ATAD2: variants seen among roughly 807,000 people sequenced by gnomAD.
ATAD2 encodes the protein ATPase family AAA domain-containing protein 2.
Under a neutral mutation model 168.9 loss-of-function variants are expected in ATAD2, and 62 were observed. The ratio of observed to expected loss-of-function variants is 0.37; its 90% CI spans 0.30 to 0.45. ATAD2 has a LOEUF of 0.45. Among genes scored for constraint, ATAD2 ranks in the 20% least tolerant of loss-of-function variants. The pLI is 1.00. For synonymous variants in ATAD2, 613 were observed against 571.6 expected (o/e 1.07, Z -1.03); for missense variants, 1,419 against 1,667.8 (o/e 0.85, Z 2.60).
At chr8:123,381,219 C>G (rs768492832) in intron 1 of ATAD2, among the ~76,000 whole-genome samples, 1 of 152,170 alleles carries the variant, frequency 6.6e-6, no homozygotes, top group Non-Finnish European at 1.5e-5. Flanking sequence ...GTTTAGGGCC[C>G]GGGCATGGTG....
Position 123,320,459 on chromosome 8 carries a change from T to C in ATAD2, c.*675A>G, listed in dbSNP as rs1436567770. 1 of 152,194 alleles carries C rather than the reference T, an allele frequency of 6.6e-6. No individual in the cohort carries two copies. The highest frequency in any genetic ancestry group is 2.4e-5 in the African/African-American group (1 of 41,456). 9.4% of individuals were successfully genotyped at this position (152,194 alleles called of 1,614,324 possible). ...TAAAAGGTGTTTAACAAGGTAGTTA[T>C]TAATACATTTGTTGTGTATATAATT... On this transcript the variant is annotated 3_prime_UTR_variant, in exon 28 of 28. Transcript: ENST00000287394.
intron 1 of ATAD2, among the ~76,000 whole-genome samples, chr8:123,394,118 G>C (rs1445144733): frequency 6.6e-6 from 1 of 151,772 alleles, no homozygotes; most frequent in Non-Finnish European, 1.5e-5. Flanking sequence ...AAACGGAGTG[G>C]CCATTAACTA....
rs184815326 is a variant in ATAD2 at position 123,325,715 on chromosome 8, C to G, written c.4002+178G>C. 3.3e-5 allele frequency among the ~76,000 whole-genome samples: 5 copies of G among 152,322 alleles called. No homozygotes were observed. The East Asian group carries it at 9.6e-4, about 29-fold the overall frequency. On this transcript the variant is annotated intron_variant, in intron 26 of 27. Coordinates refer to ENST00000287394, the MANE Select transcript of ATAD2 (RefSeq NM_014109.4). ...GGATTACAGGCGTGAGCCACTGTGCCTGACCTAGTCTTAATTTGGAACAGG... is the reference window on the plus strand; with the variant it reads ...GGATTACAGGCGTGAGCCACTGTGCGTGACCTAGTCTTAATTTGGAACAGG...
At chr8:123,344,344 CTT>C (rs764379399) in intron 19 of ATAD2, among the ~76,000 whole-genome samples, 40 of 125,812 alleles carry the variant, frequency 3.2e-4, no homozygotes, top group African/African-American at 9.0e-4. Context: ...TTTTTAAATA[CTT>C]TTTTTTTTTT....
intron 23 of ATAD2, 40 bp downstream of exon 23, chr8:123,334,157 GATA>G (rs753505608): frequency 8.4e-6 from 13 of 1,547,256 alleles, no homozygotes; most frequent in Non-Finnish European, 1.1e-5. Flanking sequence ...GAAATTCATT[GATA>G]ATATTAGGTT....
chr8:123,371,661 T>G lies in ATAD2; in HGVS notation c.536+9A>C, dbSNP rs1230417900. ...ATAAATCATCTTGATCTAAGGAATT[T>G]TTACTTACTTAGTTATAAGTTTGTC... On this transcript the variant is annotated intron_variant, in intron 4 of 27. Coordinates refer to ENST00000287394, the MANE Select transcript of ATAD2 (RefSeq NM_014109.4). 1 of 1,589,360 alleles carries G rather than the reference T, an allele frequency of 6.3e-7. No individual in the cohort carries two copies. Among genetic ancestry groups the G allele is most frequent in the Non-Finnish European group, 8.5e-7 (1 of 1,172,150 alleles).
chr8:123,341,791 T>C (rs1229861170), intron 19 of ATAD2, among the ~76,000 whole-genome samples: 1 of 152,214 alleles, frequency 6.6e-6, no homozygotes, highest in Non-Finnish European at 1.5e-5. Context: ...GAGCCTGTCC[T>C]TTCAGTTGAC....
rs2131326042 is a variant in ATAD2 at position 123,346,763 on chromosome 8, A to G, written c.2213-13T>C. The G allele has an allele frequency of 2.5e-6, 4 of 1,571,682 alleles. No homozygotes were observed. In the East Asian group the frequency reaches 9.2e-5, roughly 36 times the overall value. ...GGACAAGAAATATCTATAAAACCAAAAAATTGTACATTAGTAACTTTTGGA... is the reference window on the plus strand; with the variant it reads ...GGACAAGAAATATCTATAAAACCAAGAAATTGTACATTAGTAACTTTTGGA... On this transcript the variant is annotated splice_polypyrimidine_tract_variant and intron_variant, in intron 16 of 27. Coordinates refer to ENST00000287394, the MANE Select transcript of ATAD2 (RefSeq NM_014109.4).
At chr8:123,405,957 A>G (rs1017242809) in intron 1 of ATAD2, among the ~76,000 whole-genome samples, 12 of 152,260 alleles carry the variant, frequency 7.9e-5, no homozygotes, top group African/African-American at 2.9e-4. Context: ...AATAATATGA[A>G]TAAATCTTAC....
Position 123,371,715 on chromosome 8 carries a change from T to C in ATAD2, c.491A>G (p.Tyr164Cys), listed in dbSNP as rs1474009341. Residue 164 changes from tyrosine to cysteine, a missense_variant, in exon 4 of 28, where the codon TAT (tyrosine) becomes TGT (cysteine). Tyr to Cys is a radical substitution (Grantham distance 194). Around this residue, in one of 5 missense-constraint regions of ATAD2, gnomAD observed 419 missense variants for 423.5 expected, o/e 0.99. Transcript: ENST00000287394. ...VRRSCRIRSR[Y>C]SGVNQSMLFD... ...CAGCATGGACTGGTTTACACCACTA[T>C]AACGACTTCTAATCCTACAACTTCG... The C allele has an allele frequency of 1.2e-6, 2 of 1,613,332 alleles. No homozygotes were observed. Among genetic ancestry groups the C allele is most frequent in the African/African-American group, 2.7e-5 (2 of 74,908 alleles).
chr8:123,371,559 C>T, intron 4 of ATAD2, 111 bp downstream of exon 4: 1 of 983,586 alleles, frequency 1.0e-6, no homozygotes, highest in Non-Finnish European at 1.5e-6. Flanking sequence ...CTCCTGTACG[C>T]TTTACGTAGT....
intron 19 of ATAD2, among the ~76,000 whole-genome samples, chr8:123,339,828 G>A (rs1022841143): frequency 2.0e-5 from 3 of 152,062 alleles, no homozygotes; most frequent in Non-Finnish European, 2.9e-5. Flanking sequence ...TAAAAATCAT[G>A]AGAACTCAAG....
In ATAD2 at chr8:123,359,574, C is replaced by T; in HGVS notation, c.1266+3G>A. The T allele has an allele frequency of 6.2e-7, 1 of 1,600,674 alleles. No homozygotes were observed. Among genetic ancestry groups the T allele is most frequent in the Non-Finnish European group, 8.6e-7 (1 of 1,169,226 alleles). On this transcript the variant is annotated splice_donor_region_variant and intron_variant, in intron 10 of 27. Transcript: ENST00000287394. The stretch of plus-strand genomic sequence containing the variant: ...AGCATATGTTTCAAAACAGAGTACT[C>T]ACTGAAGAATCTAGTTGCATTGGAT...
At chr8:123,329,494 G>A (rs1827712255) in intron 24 of ATAD2, among the ~76,000 whole-genome samples, 1 of 152,000 alleles carries the variant, frequency 6.6e-6, no homozygotes, top group Admixed American at 6.6e-5. Flanking sequence ...TGGGCGCGGT[G>A]GCTCACGCCT....
chr8:123,339,579 C>A, intron 19 of ATAD2, 133 bp from the exon 20 acceptor site: 2 of 822,254 alleles, frequency 2.4e-6, no homozygotes, highest in South Asian at 3.8e-5. Flanking sequence ...CTCCACTTAA[C>A]AATCGGGTTA....
At position 123,396,438 on chromosome 8, in the gene ATAD2, T is replaced by TCCGAATC; in HGVS notation, c.-82_-81insGATTCGG. 7.2e-7 allele frequency: 1 copy of TCCGAATC among 1,379,766 alleles called. No individual in the cohort carries two copies. Among genetic ancestry groups the TCCGAATC allele is most frequent in the South Asian group, 1.5e-5 (1 of 66,464 alleles). 85.5% of individuals were successfully genotyped at this position (1,379,766 alleles called of 1,614,324 possible). ...GCTCGCAGCTCTGGCTCTTCCGCGC[T>TCCGAATC]CCGAATTCTGGCGCCACAAGCTCCG... On this transcript the variant is annotated 5_prime_UTR_variant, in exon 1 of 28. Transcript: ENST00000287394.
At chr8:123,405,420 C>CTTT (rs112395027) in intron 1 of ATAD2, among the ~76,000 whole-genome samples, 8 of 148,592 alleles carry the variant, frequency 5.4e-5, no homozygotes, top group Non-Finnish European at 7.4e-5. Flanking sequence ...TGAAGCCTGG[C>CTTT]TTTTTTTTTT....
At chr8:123,410,390 G>A (rs1409851548) in intron 1 of ATAD2, among the ~76,000 whole-genome samples, 2 of 152,214 alleles carry the variant, frequency 1.3e-5, no homozygotes, top group East Asian at 1.9e-4. Flanking sequence ...AGGTTCAAGC[G>A]ATTCTCCTGC....
chr8:123,381,981 G>A (rs1334344026), intron 1 of ATAD2, among the ~76,000 whole-genome samples: 1 of 152,166 alleles, frequency 6.6e-6, no homozygotes, highest in African/African-American at 2.4e-5. Context: ...AGGAGGTGGA[G>A]GTTGCAGTGA....
Sources: gnomAD v4.1 joint callset for allele counts (sites outside exome capture counted in the v4.1 genomes callset) on GRCh38, gnomAD v4.1.1 for gene constraint, gnomAD v4.1.1 regional missense constraint, MANE v1.5 for transcripts, NCBI Gene and HGNC (gene_info 2026-07-23, HGNC 2026-07-21) for gene names.